GRID2: variants seen among roughly 807,000 people sequenced by gnomAD.
GRID2 encodes glutamate receptor ionotropic, delta-2.
A neutral mutation model predicts 114.8 loss-of-function variants in GRID2; 33 were observed. The ratio of observed to expected loss-of-function variants is 0.29; its 90% CI spans 0.22 to 0.38. The LOEUF is 0.38. Among genes scored for constraint, GRID2 ranks in the 10% least tolerant of loss-of-function variants. The pLI, the probability that GRID2 is intolerant of heterozygous loss-of-function variation, is 1.00. For synonymous variants in GRID2, 505 were observed against 449.9 expected, an observed-to-expected ratio of 1.12 and a Z score of -1.55; for missense variants, 1,184 against 1,257.7, an observed-to-expected ratio of 0.94 and a Z score of 0.89.
intron 2 of GRID2, among the ~76,000 whole-genome samples, chr4:92,779,154 A>G (rs1331794128): frequency 5.3e-5 from 8 of 151,116 alleles, no homozygotes; most frequent in Non-Finnish European, 1.2e-4. Flanking sequence ...GCAAACAAGA[A>G]TTTTTTACTA....
chr4:92,342,699 A>G (rs949522296), intron 1 of GRID2, among the ~76,000 whole-genome samples: 1 of 152,212 alleles, frequency 6.6e-6, no homozygotes, highest in African/African-American at 2.4e-5. Context: ...ATTTTCAGTA[A>G]CACCATAAAG....
chr4:92,545,555 T>A (rs1726204516), intron 1 of GRID2, among the ~76,000 whole-genome samples: 1 of 152,212 alleles, frequency 6.6e-6, no homozygotes, highest in African/African-American at 2.4e-5. Flanking sequence ...AATATTTTTC[T>A]GTACTTGAAT....
At chr4:92,383,006 C>T (rs980049515) in intron 1 of GRID2, among the ~76,000 whole-genome samples, 3 of 151,942 alleles carry the variant, frequency 2.0e-5, no homozygotes, top group Non-Finnish European at 4.4e-5. Flanking sequence ...GAAACTTTTA[C>T]TCATGGAGGA....
At chr4:92,642,926 T>C (rs1204207007) in intron 2 of GRID2, among the ~76,000 whole-genome samples, 2 of 151,708 alleles carry the variant, frequency 1.3e-5, no homozygotes, top group Non-Finnish European at 2.9e-5. Flanking sequence ...GTGTGGGGCT[T>C]TATTTCTGTT....
intron 14 of GRID2, among the ~76,000 whole-genome samples, chr4:93,747,239 CA>C (rs1238582798): frequency 1.3e-5 from 2 of 152,002 alleles, no homozygotes; most frequent in Non-Finnish European, 2.9e-5. Flanking sequence ...TTGCTTAGTT[CA>C]ACTGTGAAGG....
At chr4:92,313,619 A>G (rs1432191093) in intron 1 of GRID2, among the ~76,000 whole-genome samples, 1 of 151,980 alleles carries the variant, frequency 6.6e-6, no homozygotes, top group Non-Finnish European at 1.5e-5. Context: ...ATGCAGGAAA[A>G]GAGAAATATT....
chr4:93,645,442 A>C (rs547451562), intron 14 of GRID2, among the ~76,000 whole-genome samples: 1 of 152,186 alleles, frequency 6.6e-6, no homozygotes, highest in East Asian at 1.9e-4. Flanking sequence ...ATGGTTATTG[A>C]CTTGGGCAAA....
At position 92,350,613 on chromosome 4, in the gene GRID2, TTCTA is replaced by T. The variant is rs1458980866; in HGVS notation, c.88+45873_88+45876del. On this transcript the variant is annotated intron_variant, in intron 1 of 15. Transcript: ENST00000282020. ...GTTTAAAATTTCCTTCCTTCTTCCC[TTCTA>T]TCTTTCTTAAAGCATAATATGTTGT... Among the ~76,000 whole-genome samples, 4 of 151,974 alleles carry T rather than the reference TTCTA, an allele frequency of 2.6e-5. No individual in the cohort carries two copies. The East Asian group carries it at 5.8e-4, about 22-fold the overall frequency.
chr4:92,509,501 A>G (rs1366710390), intron 1 of GRID2, among the ~76,000 whole-genome samples: 1 of 152,006 alleles, frequency 6.6e-6, no homozygotes, highest in African/African-American at 2.4e-5. Flanking sequence ...AATGAATAAA[A>G]CAGACATAAA....
chr4:93,040,102 G>A (rs1176465165), intron 2 of GRID2, among the ~76,000 whole-genome samples: 1 of 152,042 alleles, frequency 6.6e-6, no homozygotes, highest in Non-Finnish European at 1.5e-5. Flanking sequence ...ACTGATTTAT[G>A]TTCTGTGTTC....
Position 93,772,542 on chromosome 4 carries a change from T to C in GRID2, c.*44T>C. ...CACTGTTTCTTTTTTAGGACTCCCT[T>C]TGCAAGGAGCAACTGTAATATTGTG... On this transcript the variant is annotated 3_prime_UTR_variant, in exon 16 of 16. Coordinates refer to ENST00000282020, the MANE Select transcript of GRID2 (RefSeq NM_001510.4). 4.5e-6 allele frequency: 6 copies of C among 1,342,964 alleles called. No individual in the cohort carries two copies. The highest frequency in any genetic ancestry group is 6.2e-6 in the Non-Finnish European group (6 of 971,936). 83.2% of individuals were successfully genotyped at this position (1,342,964 alleles called of 1,614,324 possible).
At chr4:93,676,759 A>T (rs1177331801) in intron 14 of GRID2, among the ~76,000 whole-genome samples, 4 of 151,412 alleles carry the variant, frequency 2.6e-5, no homozygotes, top group Admixed American at 2.6e-4. Flanking sequence ...ATTACAAAAA[A>T]AAAAAAAAGA....
At chr4:93,018,522 T>C (rs1218767872) in intron 2 of GRID2, among the ~76,000 whole-genome samples, 1 of 152,150 alleles carries the variant, frequency 6.6e-6, no homozygotes, top group Non-Finnish European at 1.5e-5. Flanking sequence ...AAGTTAGCTG[T>C]GCTTATCTAC....
intron 2 of GRID2, among the ~76,000 whole-genome samples, chr4:92,785,378 T>G (rs1175449921): frequency 6.6e-6 from 1 of 151,242 alleles, no homozygotes; most frequent in African/African-American, 2.4e-5. Context: ...TAGCTTTTAA[T>G]TTTTTAAATA....
At chr4:92,860,927 GT>G (rs1417244648) in intron 2 of GRID2, among the ~76,000 whole-genome samples, 2 of 152,130 alleles carry the variant, frequency 1.3e-5, no homozygotes, top group African/African-American at 2.4e-5. Context: ...AGGAAGGTGT[GT>G]GGGGCAGGGA....
chr4:92,858,714 C>T (rs1280233118), intron 2 of GRID2, among the ~76,000 whole-genome samples: 1 of 152,110 alleles, frequency 6.6e-6, no homozygotes, highest in African/African-American at 2.4e-5. Flanking sequence ...CCCACCACCA[C>T]ACCTGGCTAA....
chr4:92,843,017 T>A (rs904377751), intron 2 of GRID2, among the ~76,000 whole-genome samples: 1 of 152,080 alleles, frequency 6.6e-6, no homozygotes, highest in Non-Finnish European at 1.5e-5. Flanking sequence ...GGCTGGAGGA[T>A]CATTTGAGCC....
chr4:92,763,219 A>G (rs1243852168), intron 2 of GRID2, among the ~76,000 whole-genome samples: 1 of 152,192 alleles, frequency 6.6e-6, no homozygotes, highest in African/African-American at 2.4e-5. Context: ...TTATAAATTA[A>G]CTTCTAGGCT....
intron 8 of GRID2, among the ~76,000 whole-genome samples, chr4:93,345,704 A>C (rs753701337): frequency 6.6e-6 from 1 of 152,086 alleles, no homozygotes; most frequent in Non-Finnish European, 1.5e-5. Context: ...ACAGCCCAAA[A>C]AAAATCCTTG....
Sources: gnomAD v4.1 joint callset for allele counts (sites outside exome capture counted in the v4.1 genomes callset) on GRCh38, gnomAD v4.1.1 for gene constraint, MANE v1.5 for transcripts, NCBI Gene and HGNC (gene_info 2026-07-23, HGNC 2026-07-21) for gene names.